Variants in GLIS3 observed in about 807,000 individuals in gnomAD.
GLIS3 encodes GLIS family zinc finger 3.
A neutral mutation model predicts 78.6 loss-of-function variants in GLIS3; 53 were observed. The ratio of observed to expected loss-of-function variants is 0.67; its 90% CI spans 0.54 to 0.85. The LOEUF is 0.85. Among genes scored for constraint, GLIS3 ranks in the 40% least tolerant of loss-of-function variants. The probability of loss-of-function intolerance (pLI) is 0.00; values close to 1 mark genes in which losing one functional copy is unlikely to be tolerated. For missense variants in GLIS3, 1,703 were observed against 1,231.1 expected, an observed-to-expected ratio of 1.38 and a Z score of -5.74; for synonymous variants, 684 against 509.9, an observed-to-expected ratio of 1.34 and a Z score of -4.60.
intron 2 of GLIS3, among the ~76,000 whole-genome samples, chr9:4,256,763 A>C (rs1336487818): frequency 6.6e-6 from 1 of 151,578 alleles, no homozygotes; most frequent in Non-Finnish European, 1.5e-5. Context: ...ACTTTTTAAA[A>C]ATTACACATT....
chr9:4,453,503 A>G, the GLIS3 span, among the ~76,000 whole-genome samples: 9 of 152,204 alleles, frequency 5.9e-5, no homozygotes, highest in African/African-American at 2.2e-4. Flanking sequence ...AACCCCATCA[A>G]AAAGTGGGCA....
At chr9:4,166,009 G>A (rs980143473) in intron 2 of GLIS3, among the ~76,000 whole-genome samples, 3 of 152,190 alleles carry the variant, frequency 2.0e-5, no homozygotes, top group African/African-American at 7.2e-5. Flanking sequence ...TAACAGGACA[G>A]GTTCTGAGGC....
chr9:3,862,643 G>A (rs534613010), intron 8 of GLIS3, among the ~76,000 whole-genome samples: 1 of 152,126 alleles, frequency 6.6e-6, no homozygotes, highest in Non-Finnish European at 1.5e-5. Flanking sequence ...GTGCAGGACT[G>A]TGTGTTTTAG....
chr9:4,234,665 T>G (rs1430957937), intron 2 of GLIS3, among the ~76,000 whole-genome samples: 1 of 152,126 alleles, frequency 6.6e-6, no homozygotes, highest in Non-Finnish European at 1.5e-5. Flanking sequence ...TTGGAAAAAA[T>G]AGTGCCAATG....
chr9:3,993,557 C>T (rs1483365483), intron 4 of GLIS3, among the ~76,000 whole-genome samples: 2 of 152,076 alleles, frequency 1.3e-5, no homozygotes, highest in African/African-American at 4.8e-5. Context: ...CTAACATACA[C>T]CATTTTCAGG....
chr9:4,157,726 G>A (rs1003951466), intron 2 of GLIS3, among the ~76,000 whole-genome samples: 3 of 152,102 alleles, frequency 2.0e-5, no homozygotes, highest in African/African-American at 7.2e-5. Flanking sequence ...ATTTACGAGT[G>A]CTTCCACAAA....
chr9:4,344,863 A>G (rs1817878542), intron 2 of GLIS3, among the ~76,000 whole-genome samples: 1 of 152,148 alleles, frequency 6.6e-6, no homozygotes, highest in South Asian at 2.1e-4. Context: ...GCCAAGGCTC[A>G]CCCATCAGCG....
upstream of GLIS3, among the ~76,000 whole-genome samples, chr9:4,348,750 CA>C (rs1817926192): frequency 6.7e-6 from 1 of 149,662 alleles, no homozygotes; most frequent in Non-Finnish European, 1.5e-5. Context: ...GAATCTTATT[CA>C]AAAAGGAAAA....
chr9:4,225,139 G>A (rs1343293253), intron 2 of GLIS3, among the ~76,000 whole-genome samples: 1 of 151,590 alleles, frequency 6.6e-6, no homozygotes, highest in African/African-American at 2.4e-5. Context: ...AGACGTTAAG[G>A]AGCTTGCCTA....
intron 2 of GLIS3, among the ~76,000 whole-genome samples, chr9:4,226,273 T>A (rs1821760962): frequency 6.6e-6 from 1 of 152,200 alleles, no homozygotes; most frequent in African/African-American, 2.4e-5. Context: ...TTGTTCTTAT[T>A]TAGATATAGC....
chr9:4,268,566 T>C (rs1335029146), intron 2 of GLIS3, among the ~76,000 whole-genome samples: 2 of 152,186 alleles, frequency 1.3e-5, no homozygotes, highest in African/African-American at 4.8e-5. Context: ...AGTAGTCCCA[T>C]CATTCTAGGC....
the GLIS3 span, among the ~76,000 whole-genome samples, chr9:4,441,737 G>C: frequency 1.3e-4 from 20 of 152,192 alleles, no homozygotes; most frequent in African/African-American, 4.6e-4. Context: ...CTCCAAAGTA[G>C]CTGGGATTGC....
At position 4,173,226 on chromosome 9, in the gene GLIS3, A is replaced by C. The variant is rs182983947; in HGVS notation, c.389-47285T>G. On this transcript the variant is annotated intron_variant, in intron 2 of 10. Transcript: ENST00000381971. ...CCAAAACAGGAATACAAGTGGGAAA[A>C]ACAAGCAGACCTTTTAAGTGGCTAC... Among the ~76,000 whole-genome samples the C allele has an allele frequency of 2.6e-5, 4 of 152,310 alleles. 1 individual carries two copies. In the East Asian group the frequency reaches 7.7e-4, roughly 29 times the overall value.
At chr9:4,250,615 G>T (rs374898160) in intron 2 of GLIS3, among the ~76,000 whole-genome samples, 102 of 152,196 alleles carry the variant, frequency 6.7e-4, no homozygotes, top group African/African-American at 2.4e-3. Context: ...ATCTCCTTCA[G>T]TTCTGCTCTG....
At chr9:3,839,087 C>T (rs142997428) in intron 9 of GLIS3, among the ~76,000 whole-genome samples, 22 of 152,300 alleles carry the variant, frequency 1.4e-4, no homozygotes, top group East Asian at 9.6e-4. Flanking sequence ...ATAAAAATTT[C>T]TTCTTAAGTA....
chr9:4,252,555 T>C (rs1824500223), intron 2 of GLIS3, among the ~76,000 whole-genome samples: 1 of 152,080 alleles, frequency 6.6e-6, no homozygotes, highest in Non-Finnish European at 1.5e-5. Flanking sequence ...AGAACTGCCC[T>C]TTTAGCTTCC....
intron 2 of GLIS3, among the ~76,000 whole-genome samples, chr9:4,268,572 T>C (rs1826219553): frequency 6.6e-6 from 1 of 152,226 alleles, no homozygotes; most frequent in South Asian, 2.1e-4. Flanking sequence ...CCCATCATTC[T>C]AGGCAATGTA....
At chr9:4,129,634 C>T (rs555849988) in intron 2 of GLIS3, among the ~76,000 whole-genome samples, 2 of 152,190 alleles carry the variant, frequency 1.3e-5, no homozygotes, top group Non-Finnish European at 2.9e-5. Context: ...CCTGAGGCCT[C>T]CCCAGAAGCT....
In GLIS3 at chr9:4,166,704, C is replaced by T. The variant is rs529014864; in HGVS notation, c.389-40763G>A. ...GTTCTATAATTTCACTTAAGGATTC[C>T]GTGGCTACACATAAAAGCAGTTACT... On this transcript the variant is annotated intron_variant, in intron 2 of 10. Transcript: ENST00000381971. 1.2e-4 allele frequency among the ~76,000 whole-genome samples: 18 copies of T among 152,266 alleles called. No individual in the cohort carries two copies. In the South Asian group the frequency reaches 3.7e-3, roughly 32 times the overall value.
Sources: gnomAD v4.1 joint callset for allele counts (sites outside exome capture counted in the v4.1 genomes callset) on GRCh38, gnomAD v4.1.1 for gene constraint, MANE v1.5 for transcripts, NCBI Gene and HGNC (gene_info 2026-07-23, HGNC 2026-07-21) for gene names.